Variants in UNC80 observed in about 807,000 individuals in gnomAD.
The protein encoded by UNC80 is protein unc-80 homolog.
A neutral mutation model predicts 384.6 loss-of-function variants in UNC80; 164 were observed. The observed-to-expected ratio is 0.43, with a 90% CI of 0.38 to 0.49. UNC80 has a LOEUF of 0.49. Among genes scored for constraint, UNC80 ranks in the 20% least tolerant of loss-of-function variants. The probability of loss-of-function intolerance (pLI) is 0.00; values close to 1 mark genes in which losing one functional copy is unlikely to be tolerated. For synonymous variants in UNC80, 1,486 were observed against 1,527.8 expected (o/e 0.97, Z 0.64); for missense variants, 3,330 against 4,143.0 (o/e 0.80, Z 5.39).
At chr2:209,810,511 A>C (rs750833647) in intron 7 of UNC80, among the ~76,000 whole-genome samples, 2 of 152,136 alleles carry the variant, frequency 1.3e-5, no homozygotes, top group Non-Finnish European at 2.9e-5. Context: ...CTGGTTTAGG[A>C]AGTCTGGGGC....
chr2:209,927,041 A>G, intron 36 of UNC80, 55 bp downstream of exon 36: 1 of 1,535,106 alleles, frequency 6.5e-7, no homozygotes, highest in Non-Finnish European at 8.8e-7. Context: ...TTTATCTGAT[A>G]GAAGACAGTA....
chr2:209,794,653 C>A (rs769915575), intron 7 of UNC80: 6 of 322,816 alleles, frequency 1.9e-5, no homozygotes, highest in Admixed American at 7.1e-5. Flanking sequence ...GGGAGGGACC[C>A]AGGGGGAGGT....
chr2:209,931,167 C>A, intron 38 of UNC80, 113 bp downstream of exon 38: 1 of 724,336 alleles, frequency 1.4e-6, no homozygotes, highest in South Asian at 2.1e-5. Flanking sequence ...AAATCCTGGT[C>A]AACTAAATTC....
intron 29 of UNC80, among the ~76,000 whole-genome samples, chr2:209,907,220 C>G (rs559673391): frequency 6.8e-6 from 1 of 147,462 alleles, no homozygotes; most frequent in South Asian, 2.2e-4. Context: ...AGCCGTTCAT[C>G]TATTCAACAG....
chr2:209,991,738 C>T lies in UNC80; in HGVS notation c.9315-428C>T, dbSNP rs185368690. On this transcript the variant is annotated intron_variant, in intron 61 of 64. Transcript: ENST00000673920. ...TGTGTCTGATGTGTTCGATATTTGT[C>T]CATCTTATTTTCATTTAAATTGAAA... is the stretch of plus-strand genomic sequence containing the variant. 2.2e-3 allele frequency among the ~76,000 whole-genome samples: 335 copies of T among 152,274 alleles called. 1 individual carries two copies. Among genetic ancestry groups the T allele is most frequent in the Non-Finnish European group, 4.2e-3 (283 of 68,030 alleles).
At chr2:209,801,377 CTTTTTTT>C (rs35079056) in intron 7 of UNC80, among the ~76,000 whole-genome samples, 7 of 65,978 alleles carry the variant, frequency 1.1e-4, no homozygotes, top group African/African-American at 2.1e-4. Flanking sequence ...GCAACCCCTG[CTTTTTTT>C]TTTTTTTTTT....
intron 35 of UNC80, among the ~76,000 whole-genome samples, chr2:209,923,574 C>T (rs1159622043): frequency 6.6e-6 from 1 of 152,118 alleles, no homozygotes. Context: ...ATCTGTATGT[C>T]AATCCTTCTC....
At chr2:209,792,332 A>G (rs575350195) in intron 6 of UNC80, among the ~76,000 whole-genome samples, 6 of 152,194 alleles carry the variant, frequency 3.9e-5, no homozygotes, top group South Asian at 2.1e-4. Flanking sequence ...ACATCTTAAT[A>G]CTTTTTTGTT....
chr2:209,864,173 T>G lies in UNC80; in HGVS notation c.3628-8585T>G, dbSNP rs2083543324. ...TATTCATCTGATTCACTCCTGTGCC[T>G]GGAGATGTCACTCAAGGAGGCTGGA... On this transcript the variant is annotated intron_variant, in intron 22 of 64. Transcript: ENST00000673920. Among the ~76,000 whole-genome samples the G allele has an allele frequency of 2.0e-5, 3 of 152,122 alleles. No homozygotes were observed. In the South Asian group the frequency reaches 6.2e-4, roughly 32 times the overall value.
At position 209,922,349 on chromosome 2, in the gene UNC80, A is replaced by C; in HGVS notation, c.5628A>C (p.Ser1876=). 6.4e-7 allele frequency: 1 copy of C among 1,551,848 alleles called. No individual in the cohort carries two copies. The highest frequency in any genetic ancestry group is 8.7e-7 in the Non-Finnish European group (1 of 1,147,002). The stretch of plus-strand genomic sequence containing the variant: ...GGAATTATTCCTTCCGCCGCGGGTC[A>C]GTCTGGTCAGTGCGTTCAGCCGTCA... ...SHRNYSFRRG[S]VWSVRSAVSA... is the part of the protein sequence containing the mutation. The change falls in exon 35 of 65, where the codon TCA becomes TCC. Residue 1876 remains serine, a synonymous_variant. Coordinates refer to ENST00000673920, the MANE Select transcript of UNC80 (RefSeq NM_001371986.1).
At chr2:209,920,854 G>A (rs1183846728) in intron 33 of UNC80, among the ~76,000 whole-genome samples, 1 of 150,204 alleles carries the variant, frequency 6.7e-6, no homozygotes, top group African/African-American at 2.5e-5. Flanking sequence ...TTGAGACAGG[G>A]TCTCGCTCTG....
At position 209,921,528 on chromosome 2, in the gene UNC80, G is replaced by A. The variant is rs1214929900; in HGVS notation, c.5372G>A (p.Arg1791His). 14 of 1,550,822 alleles carry A rather than the reference G, an allele frequency of 9.0e-6. No homozygotes were observed. Among genetic ancestry groups the A allele is most frequent in the Non-Finnish European group, 1.2e-5 (14 of 1,146,634 alleles). Reference sequence around the variant, plus strand: ...TCCTTTTCAGCCCGGGCTGTGTCCCGCTCCCATCAAAGGGCAGAACACATC... The same window carrying A: ...TCCTTTTCAGCCCGGGCTGTGTCCCACTCCCATCAAAGGGCAGAACACATC... ...SKSFSARAVS[R>H]SHQRAEHILK... Residue 1791 changes from arginine (R) to histidine (H), a missense_variant, in exon 34 of 65, where the codon CGC becomes CAC. Physicochemically the swap from Arg to His is conservative, Grantham distance 29. Transcript: ENST00000673920.
chr2:209,812,478 T>C (rs1047718200), intron 7 of UNC80, among the ~76,000 whole-genome samples: 1 of 152,138 alleles, frequency 6.6e-6, no homozygotes, highest in Non-Finnish European at 1.5e-5. Flanking sequence ...CTAAGAAGTT[T>C]AGGAAAATCC....
At chr2:209,978,774 G>A (rs934932587) in intron 59 of UNC80, 66 bp downstream of exon 59, 7 of 1,371,852 alleles carry the variant, frequency 5.1e-6, no homozygotes, top group Non-Finnish European at 6.7e-6. Context: ...GCTTGGGAAG[G>A]ATTACTGCCC....
At chr2:209,954,812 T>G (rs2092337803) in intron 48 of UNC80, among the ~76,000 whole-genome samples, 1 of 152,160 alleles carries the variant, frequency 6.6e-6, no homozygotes, top group Non-Finnish European at 1.5e-5. Flanking sequence ...GGGACAGGAT[T>G]AAATAATGCG....
At chr2:209,776,095 C>A in intron 3 of UNC80, 50 bp downstream of exon 3, 1 of 1,609,026 alleles carries the variant, frequency 6.2e-7, no homozygotes. Flanking sequence ...CCTTTGTGTT[C>A]AACACTCATC....
At chr2:209,903,274 C>T (rs1385634642) in intron 28 of UNC80, among the ~76,000 whole-genome samples, 4 of 129,436 alleles carry the variant, frequency 3.1e-5, no homozygotes, top group African/African-American at 1.2e-4. Flanking sequence ...ATATGGAGAG[C>T]TGACTTATGT....
chr2:209,855,798 CTTG>C (rs2082869458), intron 22 of UNC80, among the ~76,000 whole-genome samples: 1 of 151,910 alleles, frequency 6.6e-6, no homozygotes, highest in Non-Finnish European at 1.5e-5. Flanking sequence ...TGAGTTCCTC[CTTG>C]TTGATGCATT....
rs1170491431 is a variant in UNC80 at position 209,976,932 on chromosome 2, A to G, written c.8792A>G (p.Glu2931Gly). The change falls in exon 58 of 65, where the codon GAG becomes GGG. Residue 2931 changes from glutamate to glycine, a missense_variant. Physicochemically the swap from Glu to Gly is moderately conservative, Grantham distance 98. Transcript: ENST00000673920. This position sits in a 1 kb window ranked among gnomAD's most constrained non-coding sequence, Gnocchi z 4.3. Reference sequence around the variant, plus strand: ...TTTCAGCTGCTGGCCCAACCAGCAGAGAATCATGAAGAGCTTTCCGCCCGG... The same window carrying G: ...TTTCAGCTGCTGGCCCAACCAGCAGGGAATCATGAAGAGCTTTCCGCCCGG... Reference protein sequence around the residue: ...IQCKLLAQPAENHEELSARQH... With the variant: ...IQCKLLAQPAGNHEELSARQH... 5 of 1,519,778 alleles carry G rather than the reference A, an allele frequency of 3.3e-6. No individual in the cohort carries two copies. The highest frequency in any genetic ancestry group is 4.5e-6 in the Non-Finnish European group (5 of 1,120,696). 94.1% of individuals were successfully genotyped at this position (1,519,778 alleles called of 1,614,324 possible).
Sources: gnomAD v4.1 joint callset for allele counts (sites outside exome capture counted in the v4.1 genomes callset) on GRCh38, gnomAD v4.1.1 for gene constraint, Gnocchi (gnomAD v3.1) non-coding constraint, MANE v1.5 for transcripts, NCBI Gene and HGNC (gene_info 2026-07-23, HGNC 2026-07-21) for gene names.